Variants in RELN observed in about 807,000 individuals in gnomAD.
RELN encodes the protein reelin.
A neutral mutation model predicts 427.6 loss-of-function variants in RELN; 108 were observed. The ratio of observed to expected loss-of-function variants is 0.25; its 90% CI spans 0.22 to 0.30. The LOEUF (loss-of-function observed/expected upper bound fraction) is 0.30. Among genes scored for constraint, RELN ranks in the 10% least tolerant of loss-of-function variants. The probability of loss-of-function intolerance (pLI) is 1.00; values close to 1 mark genes in which losing one functional copy is unlikely to be tolerated. For missense variants in RELN, 3,715 were observed against 4,302.8 expected, an observed-to-expected ratio of 0.86 and a Z score of 3.82; for synonymous variants, 1,524 against 1,513.4, an observed-to-expected ratio of 1.01 and a Z score of -0.16.
At chr7:103,619,113 T>TA (rs398111653) in intron 20 of RELN, among the ~76,000 whole-genome samples, 35,967 of 146,422 alleles carry the variant, frequency 0.25, 5,146 homozygotes, top group African/African-American at 0.41. Flanking sequence ...CCTCTCAAAT[T>TA]AAAAAAAAAA....
intron 4 of RELN, among the ~76,000 whole-genome samples, chr7:103,767,343 G>T (rs965036691): frequency 2.0e-5 from 3 of 152,132 alleles, no homozygotes; most frequent in African/African-American, 7.2e-5. Context: ...AATCTACTTG[G>T]TATAATGGAA....
At chr7:103,490,045 G>C (rs552584451) in intron 59 of RELN, 146 bp from the exon 60 acceptor site, 2 of 904,418 alleles carry the variant, frequency 2.2e-6, no homozygotes, top group South Asian at 2.8e-5. Flanking sequence ...GCAGAGGTGA[G>C]AGAACTTGTA....
intron 3 of RELN, among the ~76,000 whole-genome samples, chr7:103,811,495 G>T (rs893659578): frequency 6.6e-6 from 1 of 152,090 alleles, no homozygotes; most frequent in Non-Finnish European, 1.5e-5. Flanking sequence ...GAGCCGTGTC[G>T]CTGTGAATTC....
At chr7:103,909,641 AATAT>A (rs1487603999) in intron 2 of RELN, among the ~76,000 whole-genome samples, 1 of 121,146 alleles carries the variant, frequency 8.3e-6, no homozygotes, top group Non-Finnish European at 1.6e-5. Flanking sequence ...ATATTTAATA[AATAT>A]ATATATTTAA....
At chr7:103,533,116 ACACT>A (rs1344391251) in intron 46 of RELN, among the ~76,000 whole-genome samples, 1 of 152,244 alleles carries the variant, frequency 6.6e-6, no homozygotes, top group Non-Finnish European at 1.5e-5. Context: ...ACCTCAGCTG[ACACT>A]CACTAGTACT....
intron 11 of RELN, among the ~76,000 whole-genome samples, chr7:103,677,943 C>G (rs141570536): frequency 6.6e-6 from 1 of 152,136 alleles, no homozygotes; most frequent in Non-Finnish European, 1.5e-5. Context: ...CTACTTCCTT[C>G]CATCAGATCC....
chr7:103,682,157 A>C lies in RELN; in HGVS notation c.1248T>G (p.Ile416Met), dbSNP rs928400653. ...TRDVDLSTED[I>M]QEQWSEEFES... The stretch of plus-strand genomic sequence containing the variant: ...CAAATTCTTCTGACCATTGCTCTTG[A>C]ATATCTTCTGTGGAAAGATCTACAT... Residue 416 changes from isoleucine (I) to methionine (M), a missense_variant, in exon 11 of 65, where the codon ATT (isoleucine) becomes ATG (methionine). Ile to Met is a conservative substitution (Grantham distance 10, BLOSUM62 1). This residue lies in a region of RELN where 2,208 missense variants were observed against 2,361.7 expected (regional missense o/e 0.93). Coordinates refer to ENST00000428762, the MANE Select transcript of RELN (RefSeq NM_005045.4). 1.9e-6 allele frequency: 3 copies of C among 1,613,716 alleles called. No homozygotes were observed. The highest frequency in any genetic ancestry group is 2.5e-6 in the Non-Finnish European group (3 of 1,179,846).
intron 6 of RELN, among the ~76,000 whole-genome samples, chr7:103,730,742 T>C (rs962530355): frequency 2.6e-5 from 4 of 152,168 alleles, no homozygotes; most frequent in African/African-American, 9.6e-5. Flanking sequence ...ATCAGTCCGA[T>C]TTCTGCCAAG....
At chr7:103,827,280 G>A (rs567923229) in intron 3 of RELN, among the ~76,000 whole-genome samples, 1 of 152,000 alleles carries the variant, frequency 6.6e-6, no homozygotes, top group South Asian at 2.1e-4. Flanking sequence ...GACTCCAGAA[G>A]AGTCCCCTAA....
intron 8 of RELN, among the ~76,000 whole-genome samples, chr7:103,702,258 A>T (rs1285941642): frequency 6.6e-6 from 1 of 152,228 alleles, no homozygotes; most frequent in Non-Finnish European, 1.5e-5. Context: ...ATTATGTAGG[A>T]CAAACTTCAA....
intron 4 of RELN, among the ~76,000 whole-genome samples, chr7:103,764,515 T>A (rs745690456): frequency 5.3e-5 from 8 of 152,020 alleles, no homozygotes; most frequent in African/African-American, 1.9e-4. Context: ...ATTATAGGTG[T>A]GAGTGAGTTC....
intron 2 of RELN, among the ~76,000 whole-genome samples, chr7:103,874,977 C>A (rs1171291778): frequency 1.4e-5 from 2 of 146,336 alleles, no homozygotes; most frequent in East Asian, 2.3e-4. Context: ...GCTACAGTAA[C>A]CAAAACAGCA....
intron 3 of RELN, among the ~76,000 whole-genome samples, chr7:103,779,330 G>A (rs1343793444): frequency 6.6e-6 from 1 of 152,164 alleles, no homozygotes; most frequent in Non-Finnish European, 1.5e-5. Flanking sequence ...TGTGCTCAAT[G>A]ACATTATCTG....
chr7:103,838,295 G>GA (rs918148388), intron 2 of RELN, among the ~76,000 whole-genome samples: 11 of 150,106 alleles, frequency 7.3e-5, no homozygotes, highest in East Asian at 2.0e-4. Flanking sequence ...AGCAGGACTG[G>GA]AAAAAAAACA....
chr7:103,797,325 G>A lies in RELN; in HGVS notation c.474-20698C>T, dbSNP rs186161462. Among the ~76,000 whole-genome samples the A allele has an allele frequency of 4.6e-3, 700 of 152,162 alleles. 11 individuals carry two copies. Among genetic ancestry groups the A allele is most frequent in the African/African-American group, 0.016 (655 of 41,524 alleles). On this transcript the variant is annotated intron_variant, in intron 3 of 64. Coordinates refer to ENST00000428762, the MANE Select transcript of RELN (RefSeq NM_005045.4). ...TTCACCATGTTGGCTAGGCGGTCTC[G>A]AACTCCCAACCTCAGGTGATCCACC... is the stretch of plus-strand genomic sequence containing the variant.
intron 2 of RELN, among the ~76,000 whole-genome samples, chr7:103,845,849 G>A (rs551758467): frequency 1.5e-3 from 226 of 152,106 alleles, no homozygotes; most frequent in African/African-American, 5.0e-3. Flanking sequence ...CTCAAGAAAC[G>A]ACTGCTCAAG....
At chr7:103,577,787 C>A (rs1831038540) in intron 28 of RELN, among the ~76,000 whole-genome samples, 1 of 152,202 alleles carries the variant, frequency 6.6e-6, no homozygotes, top group African/African-American at 2.4e-5. Context: ...GGAAAACATG[C>A]CAATTCCCTA....
intron 64 of RELN, among the ~76,000 whole-genome samples, chr7:103,477,979 A>G (rs766692760): frequency 1.3e-5 from 2 of 152,204 alleles, no homozygotes; most frequent in Non-Finnish European, 2.9e-5. Flanking sequence ...AAGACATTCC[A>G]TTTAATCAGA....
chr7:103,962,549 C>T (rs368859627), intron 1 of RELN, among the ~76,000 whole-genome samples: 3 of 152,024 alleles, frequency 2.0e-5, no homozygotes, highest in African/African-American at 7.2e-5. Context: ...TAGATTTCAG[C>T]TCACAGAAAC....
Sources: allele counts gnomAD v4.1 joint callset (sites outside exome capture counted in the v4.1 genomes callset), GRCh38; gene constraint gnomAD v4.1.1; regional missense constraint gnomAD v4.1.1; transcripts MANE v1.5; gene names NCBI Gene and HGNC (gene_info 2026-07-23, HGNC 2026-07-21).